Variants in TAFA2 observed in about 807,000 individuals in gnomAD.
TAFA2 encodes the protein chemokine-like protein TAFA-2.
In TAFA2, 7 loss-of-function variants were observed where a neutral mutation model predicts 18.8. That is an observed-to-expected ratio of 0.37 (90% CI 0.21 to 0.70). The LOEUF (loss-of-function observed/expected upper bound fraction) is 0.70, where lower values mean the gene tolerates loss of function less well. TAFA2 is among the 30% of genes least tolerant of loss of function. The pLI, the probability that TAFA2 is intolerant of heterozygous loss-of-function variation, is 0.53. For missense variants in TAFA2, 122 were observed against 158.1 expected (o/e 0.77, Z 1.23); for synonymous variants, 60 against 54.2 (o/e 1.11, Z -0.47).
chr12:62,147,599 G>A (rs1920105), intron 1 of TAFA2, among the ~76,000 whole-genome samples: 41,977 of 149,104 alleles, frequency 0.28, 6,047 homozygotes, highest in Middle Eastern at 0.41. Context: ...GCACGGTGGC[G>A]GGGGCCTGTA....
At chr12:62,007,441 G>A (rs1880591833) in intron 1 of TAFA2, among the ~76,000 whole-genome samples, 1 of 152,140 alleles carries the variant, frequency 6.6e-6, no homozygotes, top group African/African-American at 2.4e-5. Flanking sequence ...CTTAACTTAT[G>A]TGGTTCACTG....
At chr12:62,022,610 C>T (rs901150808) in intron 1 of TAFA2, among the ~76,000 whole-genome samples, 4 of 152,144 alleles carry the variant, frequency 2.6e-5, no homozygotes, top group Admixed American at 2.0e-4. Flanking sequence ...CAATTCTTGT[C>T]GAACTGGGTA....
chr12:61,941,054 T>C (rs1192029300), intron 1 of TAFA2, among the ~76,000 whole-genome samples: 1 of 152,198 alleles, frequency 6.6e-6, no homozygotes, highest in Non-Finnish European at 1.5e-5. Flanking sequence ...TCATATATGT[T>C]TTAAACAATA....
At chr12:62,155,900 C>T (rs988236346) in intron 1 of TAFA2, among the ~76,000 whole-genome samples, 11 of 152,054 alleles carry the variant, frequency 7.2e-5, no homozygotes, top group Admixed American at 6.5e-4. Context: ...ATTTCATGAT[C>T]GAGAACCCAA....
upstream of TAFA2, among the ~76,000 whole-genome samples, chr12:62,193,314 C>T (rs2062635502): frequency 6.6e-6 from 1 of 152,188 alleles, no homozygotes; most frequent in South Asian, 2.1e-4. Context: ...GGAAAGATAA[C>T]TCAAGAATCT....
chr12:61,722,493 GTGGACACATGTAGT>G (rs1335406509), intron 4 of TAFA2, among the ~76,000 whole-genome samples: 1 of 152,154 alleles, frequency 6.6e-6, no homozygotes, highest in African/African-American at 2.4e-5. Context: ...ATGACCTGCA[GTGGACACATGTAGT>G]TGAAGATAAA....
chr12:61,987,891 G>A (rs536008374), intron 1 of TAFA2, among the ~76,000 whole-genome samples: 1 of 152,270 alleles, frequency 6.6e-6, no homozygotes, highest in Non-Finnish European at 1.5e-5. Context: ...CTCAGCAAAT[G>A]TTTGTTGAAG....
intron 1 of TAFA2, among the ~76,000 whole-genome samples, chr12:62,046,950 T>C (rs966466011): frequency 3.3e-5 from 5 of 152,058 alleles, no homozygotes; most frequent in Non-Finnish European, 7.4e-5. Flanking sequence ...GGTTGTTACA[T>C]AGGTAAACTT....
At chr12:62,002,225 A>G (rs899910215) in intron 1 of TAFA2, among the ~76,000 whole-genome samples, 10 of 152,236 alleles carry the variant, frequency 6.6e-5, no homozygotes, top group Non-Finnish European at 8.8e-5. Flanking sequence ...AAATATTTCT[A>G]GATTTATTTA....
chr12:62,143,191 C>T (rs2062252030), intron 1 of TAFA2, among the ~76,000 whole-genome samples: 1 of 152,164 alleles, frequency 6.6e-6, no homozygotes, highest in Non-Finnish European at 1.5e-5. Flanking sequence ...TCCCAGCCTC[C>T]TCTTGCACCA....
rs529923659 is a variant in TAFA2, at chr12:61,721,182, A to T, written c.385-10765T>A. The stretch of plus-strand genomic sequence containing the variant: ...AATAAACAGTTTTTACAAGAAATTT[A>T]AAAAAAAAGGACAGTAAGCATTTCT... On this transcript the variant is annotated intron_variant, in intron 4 of 4. Transcript: ENST00000416284. Among the ~76,000 whole-genome samples, 176 of 151,550 alleles carry T rather than the reference A, an allele frequency of 1.2e-3. 3 individuals carry two copies. The highest frequency in any genetic ancestry group is 3.8e-3 in the African/African-American group (156 of 41,300).
At chr12:62,147,469 G>A (rs1428501845) in intron 1 of TAFA2, among the ~76,000 whole-genome samples, 6 of 149,408 alleles carry the variant, frequency 4.0e-5, no homozygotes, top group South Asian at 2.1e-4. Context: ...GGTGGCTCAC[G>A]CCTGTAATCC....
At chr12:61,735,490 A>T (rs1868289767) in intron 4 of TAFA2, among the ~76,000 whole-genome samples, 1 of 152,110 alleles carries the variant, frequency 6.6e-6, no homozygotes, top group South Asian at 2.1e-4. Flanking sequence ...CAGGGTGATT[A>T]GCATATTCAT....
chr12:61,914,356 A>G (rs928051973), intron 1 of TAFA2, among the ~76,000 whole-genome samples: 2 of 152,182 alleles, frequency 1.3e-5, no homozygotes, highest in Non-Finnish European at 2.9e-5. Context: ...GACCCAAAAT[A>G]TGGGTTGCAC....
chr12:62,047,409 G>T (rs1881939054), intron 1 of TAFA2, among the ~76,000 whole-genome samples: 1 of 152,056 alleles, frequency 6.6e-6, no homozygotes, highest in African/African-American at 2.4e-5. Context: ...GATGGTGTAG[G>T]TAATATTGTT....
intron 2 of TAFA2, among the ~76,000 whole-genome samples, chr12:61,800,318 G>T (rs1871351561): frequency 6.6e-6 from 1 of 152,138 alleles, no homozygotes; most frequent in Admixed American, 6.5e-5. Flanking sequence ...CCTGAAGGAA[G>T]AATTTATATT....
At chr12:61,887,527 G>T (rs1235506090) in intron 1 of TAFA2, among the ~76,000 whole-genome samples, 5 of 150,606 alleles carry the variant, frequency 3.3e-5, no homozygotes, top group Non-Finnish European at 7.4e-5. Context: ...CTGGTGTGCT[G>T]CACCCACTAA....
Position 62,152,442 on chromosome 12 carries a change from T to C in TAFA2, c.-2+38817A>G, listed in dbSNP as rs1479913676. On this transcript the variant is annotated intron_variant, in intron 1 of 4. Coordinates refer to ENST00000416284, the MANE Select transcript of TAFA2 (RefSeq NM_178539.5). ...TCATTCACTCCTTAGAGATTTTACT[T>C]ATGCATGGATTGATTGCCTGTGGCA... Among the ~76,000 whole-genome samples the C allele has an allele frequency of 2.0e-5, 3 of 152,340 alleles. No individual in the cohort carries two copies. The East Asian group carries it at 5.8e-4, about 29-fold the overall frequency.
chr12:62,213,450 C>T (rs1311098574), intron 1 of TAFA2, among the ~76,000 whole-genome samples: 1 of 152,118 alleles, frequency 6.6e-6, no homozygotes. Flanking sequence ...TGAGACCATC[C>T]TGATCAACAT....
Sources: allele counts gnomAD v4.1 joint callset (sites outside exome capture counted in the v4.1 genomes callset), GRCh38; gene constraint gnomAD v4.1.1; transcripts MANE v1.5; gene names NCBI Gene and HGNC (gene_info 2026-07-23, HGNC 2026-07-21).